PAPPA: variants seen among roughly 807,000 people sequenced by gnomAD.
PAPPA encodes the protein pappalysin-1.
In PAPPA, 60 loss-of-function variants were observed where a neutral mutation model predicts 164.0. The ratio of observed to expected loss-of-function variants is 0.37; its 90% CI spans 0.30 to 0.45. The LOEUF is 0.45. Among genes scored for constraint, PAPPA ranks in the 20% least tolerant of loss-of-function variants. PAPPA has a pLI of 1.00. For missense variants in PAPPA, 1,782 were observed against 2,087.3 expected (o/e 0.85, Z 2.85); for synonymous variants, 875 against 814.1 (o/e 1.07, Z -1.27).
intron 9 of PAPPA, among the ~76,000 whole-genome samples, chr9:116,299,712 C>T (rs1845556352): frequency 6.6e-6 from 1 of 152,136 alleles, no homozygotes; most frequent in African/African-American, 2.4e-5. Flanking sequence ...AAAGGCCAGT[C>T]TTCTACTTCT....
intron 13 of PAPPA, among the ~76,000 whole-genome samples, chr9:116,343,693 A>G (rs1846167294): frequency 6.6e-6 from 1 of 152,282 alleles, no homozygotes; most frequent in African/African-American, 2.4e-5. Context: ...TACTTTGCCA[A>G]CTAGGTAATA....
intron 9 of PAPPA, among the ~76,000 whole-genome samples, chr9:116,272,871 T>A (rs1018794946): frequency 9.9e-5 from 15 of 152,208 alleles, no homozygotes; most frequent in Non-Finnish European, 2.2e-4. Context: ...GTGGCTTCCC[T>A]AGTCTTGGCC....
intron 20 of PAPPA, 63 bp downstream of exon 20, chr9:116,377,710 T>C: frequency 8.1e-7 from 1 of 1,239,158 alleles, no homozygotes; most frequent in Non-Finnish European, 1.2e-6. Flanking sequence ...TTATTGTTAT[T>C]GTTATATTAA....
At chr9:116,213,383 T>G (rs1844332637) in intron 4 of PAPPA, among the ~76,000 whole-genome samples, 1 of 152,076 alleles carries the variant, frequency 6.6e-6, no homozygotes, top group African/African-American at 2.4e-5. Flanking sequence ...ATAACCCACC[T>G]CTGGTACCAT....
rs781408767 is a variant in PAPPA, at chr9:116,344,663, A to G, written c.3732A>G (p.Thr1244=). ...HGAQCTVSCR[T]GYVLQIRRDD... Reference sequence around the variant, plus strand: ...CCCAGTGTACTGTGAGCTGCCGGACAGGCTACGTGCTCCAGATACGGCGGG... The same window carrying G: ...CCCAGTGTACTGTGAGCTGCCGGACGGGCTACGTGCTCCAGATACGGCGGG... Residue 1244 remains threonine, a synonymous_variant, in exon 14 of 22, where the codon ACA becomes ACG. Coordinates refer to ENST00000328252, the MANE Select transcript of PAPPA (RefSeq NM_002581.5). 4 of 1,614,094 alleles carry G rather than the reference A, an allele frequency of 2.5e-6. No homozygotes were observed. The African/African-American group carries it at 5.3e-5, about 22-fold the overall frequency.
intron 3 of PAPPA, among the ~76,000 whole-genome samples, chr9:116,211,030 C>T (rs150727132): frequency 6.9e-4 from 105 of 152,306 alleles, no homozygotes; most frequent in African/African-American, 2.4e-3. Context: ...GATTAAGAGT[C>T]CTGCTCAAGT....
rs1004482544 is a variant in PAPPA, at chr9:116,153,853, C to T, written c.-320C>T. 1 of 158,550 alleles carries T rather than the reference C, an allele frequency of 6.3e-6. No homozygotes were observed. Among genetic ancestry groups the T allele is most frequent in the African/African-American group, 2.4e-5 (1 of 40,870 alleles). 9.8% of individuals were successfully genotyped at this position (158,550 alleles called of 1,614,324 possible). On this transcript the variant is annotated 5_prime_UTR_variant, in exon 1 of 22. Transcript: ENST00000328252. ...TCTTAAGAGGAGCTTTTTTTTGGAG[C>T]GAGAAATCATATAAAATAAAATGAA...
intron 19 of PAPPA, among the ~76,000 whole-genome samples, chr9:116,369,379 G>A (rs1352995779): frequency 1.3e-5 from 2 of 152,166 alleles, no homozygotes; most frequent in African/African-American, 4.8e-5. Context: ...GTTCCTCATT[G>A]TACAGATAGG....
At chr9:116,157,044 A>T (rs1375418098) in intron 1 of PAPPA, among the ~76,000 whole-genome samples, 1 of 152,238 alleles carries the variant, frequency 6.6e-6, no homozygotes, top group Non-Finnish European at 1.5e-5. Context: ...GTCATCGCTC[A>T]GCAGGGACCG....
chr9:116,193,644 G>T (rs751374982), intron 2 of PAPPA, among the ~76,000 whole-genome samples: 5 of 152,140 alleles, frequency 3.3e-5, no homozygotes, highest in Non-Finnish European at 7.3e-5. Flanking sequence ...AACCTGGAAA[G>T]GTTACATTTA....
At chr9:116,276,676 G>A (rs891177785) in intron 9 of PAPPA, among the ~76,000 whole-genome samples, 2 of 152,170 alleles carry the variant, frequency 1.3e-5, no homozygotes, top group East Asian at 1.9e-4. Context: ...TTTCCCAGAC[G>A]TGGAGGCATT....
chr9:116,288,799 T>G (rs1356890490), intron 9 of PAPPA: 1 of 151,864 alleles, frequency 6.6e-6, no homozygotes, highest in Non-Finnish European at 1.5e-5. Context: ...ATCGAAACCA[T>G]ATAGCAGGAG....
chr9:116,286,526 T>C (rs917677095), intron 9 of PAPPA: 6 of 152,208 alleles, frequency 3.9e-5, no homozygotes, highest in Non-Finnish European at 8.8e-5. Context: ...TTGTAAGTAC[T>C]GCGTCTGAAG....
At position 116,154,658 on chromosome 9, in the gene PAPPA, G is replaced by C; in HGVS notation, c.415+71G>C. The C allele has an allele frequency of 1.6e-6, 2 of 1,255,552 alleles. No homozygotes were observed. The highest frequency in any genetic ancestry group is 2.0e-6 in the Non-Finnish European group (2 of 999,546). 77.8% of individuals were successfully genotyped at this position (1,255,552 alleles called of 1,614,324 possible). On this transcript the variant is annotated intron_variant, in intron 1 of 21. Coordinates refer to ENST00000328252, the MANE Select transcript of PAPPA (RefSeq NM_002581.5). This position sits in a 1 kb window ranked among gnomAD's most constrained non-coding sequence, Gnocchi z 5.2. ...CAGAGGCTCGCGGGTGTCTGGGCGC[G>C]GGTGGCGGGCGGGTCGGGGGCTTGC...
intron 2 of PAPPA, among the ~76,000 whole-genome samples, chr9:116,206,008 C>T (rs147127734): frequency 2.3e-4 from 35 of 152,300 alleles, no homozygotes; most frequent in African/African-American, 8.2e-4. Flanking sequence ...TGGCATACAG[C>T]AAATGCTTAA....
chr9:116,194,220 G>A (rs1462092742), intron 2 of PAPPA, among the ~76,000 whole-genome samples: 1 of 152,194 alleles, frequency 6.6e-6, no homozygotes, highest in East Asian at 1.9e-4. Flanking sequence ...TCTTGGGCAA[G>A]CCTTTTAATC....
chr9:116,161,596 ATTG>A (rs896745237), intron 1 of PAPPA, among the ~76,000 whole-genome samples: 6 of 151,420 alleles, frequency 4.0e-5, no homozygotes, highest in Non-Finnish European at 7.4e-5. Flanking sequence ...GTGATATGAT[ATTG>A]TTGTTATGTT....
intron 21 of PAPPA, 112 bp from the exon 22 acceptor site, chr9:116,396,397 G>T: frequency 1.4e-6 from 1 of 730,960 alleles, no homozygotes; most frequent in South Asian, 1.5e-5. Flanking sequence ...GCCATAACTT[G>T]AACTTGAACC....
chr9:116,336,221 CT>C (rs1846059699), intron 13 of PAPPA, among the ~76,000 whole-genome samples: 1 of 151,636 alleles, frequency 6.6e-6, no homozygotes, highest in South Asian at 2.1e-4. Context: ...CAGCCTTGCC[CT>C]GTATACCTGG....
Sources: allele counts gnomAD v4.1 joint callset (sites outside exome capture counted in the v4.1 genomes callset), GRCh38; gene constraint gnomAD v4.1.1; non-coding constraint Gnocchi (gnomAD v3.1); transcripts MANE v1.5; gene names NCBI Gene and HGNC (gene_info 2026-07-23, HGNC 2026-07-21).